Variants in SMCHD1 observed in about 807,000 individuals in gnomAD.
The protein encoded by SMCHD1 is structural maintenance of chromosomes flexible hinge domain containing 1, also known as structural maintenance of chromosomes flexible hinge domain-containing protein 1.
SMCHD1 carries 78 observed loss-of-function variants against 254.7 expected under a neutral mutation model. That is an observed-to-expected ratio of 0.31 (90% confidence interval 0.26 to 0.37). The LOEUF (loss-of-function observed/expected upper bound fraction) is 0.37. Ranked by LOEUF, SMCHD1 falls within the 10% of genes least tolerant of loss-of-function variation. SMCHD1 has a pLI of 1.00. For synonymous variants in SMCHD1, 766 were observed against 794.9 expected, an observed-to-expected ratio of 0.96 and a Z score of 0.61; for missense variants, 1,840 against 2,408.1, an observed-to-expected ratio of 0.76 and a Z score of 4.94.
chr18:2,735,596 A>G (rs542312859), intron 25 of SMCHD1, among the ~76,000 whole-genome samples: 1 of 152,346 alleles, frequency 6.6e-6, no homozygotes, highest in East Asian at 1.9e-4. Flanking sequence ...ATGCAAAATC[A>G]GTATACAAAA....
At chr18:2,697,264 T>TA in intron 9 of SMCHD1, 142 bp downstream of exon 9, 1 of 503,922 alleles carries the variant, frequency 2.0e-6, no homozygotes, top group Non-Finnish European at 3.6e-6. Context: ...CATTGTTTGA[T>TA]ATCCAACTAA....
chr18:2,716,076 T>G (rs748647344), intron 17 of SMCHD1, among the ~76,000 whole-genome samples: 1 of 152,190 alleles, frequency 6.6e-6, no homozygotes, highest in Non-Finnish European at 1.5e-5. Flanking sequence ...ATTTTTTCCT[T>G]GATGATGTGT....
At chr18:2,774,508 C>T (rs1332706741) in intron 41 of SMCHD1, among the ~76,000 whole-genome samples, 1 of 152,032 alleles carries the variant, frequency 6.6e-6, no homozygotes, top group African/African-American at 2.4e-5. Context: ...ACTTTCTGAG[C>T]TCAGGTCATC....
chr18:2,723,880 A>G (rs2074975775), intron 20 of SMCHD1, among the ~76,000 whole-genome samples: 1 of 151,892 alleles, frequency 6.6e-6, no homozygotes, highest in African/African-American at 2.4e-5. Flanking sequence ...TCGATGGTAG[A>G]GATTGGTTTC....
intron 1 of SMCHD1, among the ~76,000 whole-genome samples, chr18:2,664,358 T>G (rs943074917): frequency 1.1e-3 from 142 of 128,226 alleles, no homozygotes; most frequent in African/African-American, 5.2e-3. Flanking sequence ...ACATTAAATT[T>G]GTTTTTTTTT....
intron 1 of SMCHD1, among the ~76,000 whole-genome samples, chr18:2,664,856 A>C (rs1165333192): frequency 6.6e-6 from 1 of 152,236 alleles, no homozygotes; most frequent in Non-Finnish European, 1.5e-5. Flanking sequence ...GGTTATCCTG[A>C]AGTACCATTG....
intron 42 of SMCHD1, among the ~76,000 whole-genome samples, chr18:2,777,134 T>TC (rs1482608262): frequency 8.6e-5 from 13 of 151,116 alleles, no homozygotes; most frequent in Non-Finnish European, 1.6e-4. Flanking sequence ...ATCTCTGTAA[T>TC]CCCTGGAGAC....
In SMCHD1 at chr18:2,705,798, A is replaced by G. The variant is rs201805227; in HGVS notation, c.1947A>G (p.Gln649=). 118 of 1,584,502 alleles carry G rather than the reference A, an allele frequency of 7.4e-5. No homozygotes were observed. Among genetic ancestry groups the G allele is most frequent in the East Asian group, 4.3e-4 (19 of 44,528 alleles). ...GEVYATGGEV[Q]IAMEPQALYD... is the part of the protein sequence containing the mutation. ...TATATGCTACAGGAGGAGAGGTTCA[A>G]ATTGCAATGGTAAGACAGCAAGTGA... Residue 649 remains glutamine (Q), a synonymous_variant, in exon 14 of 48, where the codon CAA becomes CAG. Transcript: ENST00000320876.
chr18:2,738,479 A>C lies in SMCHD1; in HGVS notation c.3359A>C (p.Asp1120Ala). ...GTGCAAGTACCAACATCTGTAAAAG[A>C]TATGCGCTATTGCCAGGTTTCATTC... The part of the protein sequence containing the change: ...PDVQVPTSVK[D>A]MRYCQVSFQD... The change falls in exon 26 of 48, where the codon GAT becomes GCT. Residue 1120 changes from aspartate to alanine, a missense_variant. By Grantham distance (126) the Asp-to-Ala change is moderately radical (BLOSUM62 -2). Transcript: ENST00000320876. The C allele has an allele frequency of 6.2e-7, 1 of 1,612,904 alleles. No homozygotes were observed. The highest frequency in any genetic ancestry group is 8.5e-7 in the Non-Finnish European group (1 of 1,179,462).
chr18:2,688,565 C>T, intron 6 of SMCHD1, 57 bp downstream of exon 6: 3 of 1,585,568 alleles, frequency 1.9e-6, no homozygotes, highest in Non-Finnish European at 2.6e-6. Flanking sequence ...GAAGTTGACT[C>T]TGTCTAAATG....
chr18:2,750,537 A>G (rs773039392), intron 32 of SMCHD1, 30 bp downstream of exon 32: 6 of 1,537,286 alleles, frequency 3.9e-6, no homozygotes, highest in East Asian at 2.4e-5. Context: ...AAATAAATCT[A>G]TAATGATAAT....
chr18:2,771,638 G>T lies in SMCHD1; in HGVS notation c.5052+20G>T, dbSNP rs762065052. 1 of 1,471,590 alleles carries T rather than the reference G, an allele frequency of 6.8e-7. No homozygotes were observed. Among genetic ancestry groups the T allele is most frequent in the Non-Finnish European group, 9.0e-7 (1 of 1,113,092 alleles). The allele number at this position is 1,471,590 out of a possible 1,614,324, so 91.2% of individuals were successfully genotyped here. On this transcript the variant is annotated intron_variant, in intron 40 of 47. Coordinates refer to ENST00000320876, the MANE Select transcript of SMCHD1 (RefSeq NM_015295.3). ...CAACAGGTACAGCTTCCAACTATAC[G>T]TGAAAGATTTTTTATTAAAGTCTAT...
chr18:2,687,106 T>C (rs2074069159), intron 5 of SMCHD1, among the ~76,000 whole-genome samples: 1 of 152,198 alleles, frequency 6.6e-6, no homozygotes, highest in East Asian at 1.9e-4. Flanking sequence ...TTAGCTTTGG[T>C]CACTCCCTTC....
At chr18:2,753,428 G>A (rs1486788171) in intron 34 of SMCHD1, among the ~76,000 whole-genome samples, 1 of 152,078 alleles carries the variant, frequency 6.6e-6, no homozygotes. Context: ...TAACACTGGT[G>A]CTCATATAAA....
chr18:2,786,628 G>GCCATCAC (rs2076244932), intron 45 of SMCHD1, among the ~76,000 whole-genome samples: 5 of 152,098 alleles, frequency 3.3e-5, no homozygotes, highest in Non-Finnish European at 7.4e-5. Context: ...GGAGGCAGAG[G>GCCATCAC]TTGCAGTGAG....
intron 34 of SMCHD1, among the ~76,000 whole-genome samples, chr18:2,759,558 G>A (rs11080988): frequency 0.15 from 10,019 of 64,856 alleles, 734 homozygotes; most frequent in East Asian, 0.49. Context: ...GCAGAAGTCC[G>A]TTTTAATTCT....
At chr18:2,731,402 G>A (rs1228288878) in intron 24 of SMCHD1, among the ~76,000 whole-genome samples, 1 of 152,056 alleles carries the variant, frequency 6.6e-6, no homozygotes, top group Non-Finnish European at 1.5e-5. Context: ...TCTTTGATCT[G>A]TAGAACACTG....
At chr18:2,775,372 T>A (rs1424396280) in intron 41 of SMCHD1, among the ~76,000 whole-genome samples, 2 of 152,052 alleles carry the variant, frequency 1.3e-5, no homozygotes, top group African/African-American at 4.8e-5. Context: ...TTTATGATAT[T>A]CTACCAATAA....
At chr18:2,765,536 AT>A (rs1266021666) in intron 37 of SMCHD1, among the ~76,000 whole-genome samples, 4 of 152,174 alleles carry the variant, frequency 2.6e-5, no homozygotes, top group Non-Finnish European at 5.9e-5. Flanking sequence ...CAGCATTTTC[AT>A]TGTAATTAGT....
Sources: gnomAD v4.1 joint callset for allele counts (sites outside exome capture counted in the v4.1 genomes callset) on GRCh38, gnomAD v4.1.1 for gene constraint, MANE v1.5 for transcripts, NCBI Gene and HGNC (gene_info 2026-07-23, HGNC 2026-07-21) for gene names.